The following SAMD12 variants were observed in gnomAD, a reference collection of about 807,000 sequenced individuals.
SAMD12 encodes the protein sterile alpha motif domain containing 12.
Under a neutral mutation model 15.0 loss-of-function variants are expected in SAMD12, and 9 were observed. That is an observed-to-expected ratio of 0.60 (90% confidence interval 0.36 to 1.05). The LOEUF (loss-of-function observed/expected upper bound fraction) is 1.05. SAMD12 is among the 50% of genes least tolerant of loss of function. The pLI is 0.01. For synonymous variants in SAMD12, 86 were observed against 90.1 expected (o/e 0.96, Z 0.25); for missense variants, 230 against 234.2 (o/e 0.98, Z 0.12).
At chr8:118,554,016 T>G (rs1826438634) in intron 2 of SAMD12, among the ~76,000 whole-genome samples, 2 of 152,044 alleles carry the variant, frequency 1.3e-5, no homozygotes, top group African/African-American at 2.4e-5. Flanking sequence ...TGGCAATCAT[T>G]AAAAAGTCAG....
intron 1 of SAMD12, among the ~76,000 whole-genome samples, chr8:118,619,799 A>C (rs961481828): frequency 2.0e-5 from 3 of 152,042 alleles, no homozygotes; most frequent in African/African-American, 7.2e-5. Flanking sequence ...GAGAAGGCAG[A>C]AGAAAAAGGA....
At chr8:118,181,444 C>G in the SAMD12 span, among the ~76,000 whole-genome samples, 1 of 152,196 alleles carries the variant, frequency 6.6e-6, no homozygotes, top group Non-Finnish European at 1.5e-5. Flanking sequence ...TGGGGATCCA[C>G]TTTCCCCACA....
At chr8:118,236,993 G>A (rs183595703) in intron 4 of SAMD12, among the ~76,000 whole-genome samples, 18 of 152,204 alleles carry the variant, frequency 1.2e-4, no homozygotes, top group African/African-American at 4.1e-4. Flanking sequence ...TCTGAACTGT[G>A]TAATAGCAGC....
intron 2 of SAMD12, among the ~76,000 whole-genome samples, chr8:118,534,979 G>C (rs965822267): frequency 6.6e-6 from 1 of 152,192 alleles, no homozygotes; most frequent in African/African-American, 2.4e-5. Context: ...ATCCAGCCTT[G>C]TTCCACTGCT....
intron 2 of SAMD12, among the ~76,000 whole-genome samples, chr8:118,477,374 C>G (rs566068587): frequency 6.6e-6 from 1 of 152,020 alleles, no homozygotes; most frequent in Non-Finnish European, 1.5e-5. Flanking sequence ...CCTCTGCGGC[C>G]GGTTTGATGT....
At position 118,426,236 on chromosome 8, in the gene SAMD12, G is replaced by A. The variant is rs149744808; in HGVS notation, c.322+13596C>T. ...CTAGGCACTGTTCTAAATATTGTCC[G>A]GGTTTTAACTCCTTAATCCTCCCAA... is the stretch of plus-strand genomic sequence containing the variant. On this transcript the variant is annotated intron_variant, in intron 3 of 3. Coordinates refer to ENST00000314727, the MANE Select transcript of SAMD12 (RefSeq NM_207506.3). Among the ~76,000 whole-genome samples the A allele has an allele frequency of 1.5e-3, 233 of 152,192 alleles. 1 individual carries two copies. In the Middle Eastern group the frequency reaches 0.027, roughly 18 times the overall value.
intron 4 of SAMD12, among the ~76,000 whole-genome samples, chr8:118,332,401 C>G (rs767051994): frequency 4.7e-4 from 72 of 152,214 alleles, no homozygotes; most frequent in Non-Finnish European, 7.2e-4. Flanking sequence ...TGACCAGCGT[C>G]GCTGCAGTGG....
At chr8:118,529,791 A>G (rs1044594322) in intron 2 of SAMD12, among the ~76,000 whole-genome samples, 1 of 152,124 alleles carries the variant, frequency 6.6e-6, no homozygotes, top group Non-Finnish European at 1.5e-5. Context: ...CTGTGTGTGT[A>G]CAGGGTCTCA....
At chr8:118,611,510 G>A (rs1828111037) in intron 1 of SAMD12, among the ~76,000 whole-genome samples, 1 of 152,154 alleles carries the variant, frequency 6.6e-6, no homozygotes, top group African/African-American at 2.4e-5. Flanking sequence ...CCATTTATTG[G>A]TTACCAGTTT....
At chr8:118,537,178 T>C (rs886330315) in intron 2 of SAMD12, among the ~76,000 whole-genome samples, 1 of 152,204 alleles carries the variant, frequency 6.6e-6, no homozygotes, top group Non-Finnish European at 1.5e-5. Context: ...ATATTATTTG[T>C]TTCTTTTCTC....
At chr8:118,616,765 T>C (rs754629889) in intron 1 of SAMD12, among the ~76,000 whole-genome samples, 17 of 152,174 alleles carry the variant, frequency 1.1e-4, no homozygotes, top group Non-Finnish European at 2.1e-4. Flanking sequence ...CCGTGGCCTA[T>C]TAGGAACCAC....
chr8:118,358,720 T>C (rs1022921859), intron 4 of SAMD12, among the ~76,000 whole-genome samples: 2 of 152,106 alleles, frequency 1.3e-5, no homozygotes, highest in Admixed American at 6.6e-5. Flanking sequence ...ACAAAATAAA[T>C]GACAGGAAGA....
At chr8:118,547,862 T>C (rs111402607) in intron 2 of SAMD12, among the ~76,000 whole-genome samples, 1 of 152,314 alleles carries the variant, frequency 6.6e-6, no homozygotes, top group African/African-American at 2.4e-5. Flanking sequence ...TTTTCAAATA[T>C]ACAAAATGTT....
intron 4 of SAMD12, among the ~76,000 whole-genome samples, chr8:118,264,604 A>G (rs1813156258): frequency 1.3e-5 from 2 of 152,100 alleles, no homozygotes; most frequent in Admixed American, 6.6e-5. Context: ...AAAACAGAAC[A>G]TGAAGTAAAT....
chr8:118,552,781 C>T (rs1239221050), intron 2 of SAMD12, among the ~76,000 whole-genome samples: 4 of 152,068 alleles, frequency 2.6e-5, no homozygotes, highest in Non-Finnish European at 5.9e-5. Flanking sequence ...TCTAGAAAAC[C>T]CCATTGTCTC....
intron 2 of SAMD12, among the ~76,000 whole-genome samples, chr8:118,573,413 A>T (rs773660361): frequency 6.6e-6 from 1 of 152,142 alleles, no homozygotes; most frequent in Non-Finnish European, 1.5e-5. Context: ...TAAACTACCC[A>T]GTCTTGGGTA....
chr8:118,415,284 C>T (rs1336038506), intron 3 of SAMD12, among the ~76,000 whole-genome samples: 1 of 152,144 alleles, frequency 6.6e-6, no homozygotes, highest in Non-Finnish European at 1.5e-5. Flanking sequence ...TTTTTTGCTT[C>T]CATCCAAGAT....
At chr8:118,265,556 T>C in intron 4 of SAMD12, among the ~76,000 whole-genome samples, 1 of 152,026 alleles carries the variant, frequency 6.6e-6, no homozygotes, top group East Asian at 1.9e-4. Context: ...ATATCAAAGA[T>C]GTAAGATAAA....
At chr8:118,528,970 G>T (rs1825609207) in intron 2 of SAMD12, among the ~76,000 whole-genome samples, 1 of 152,150 alleles carries the variant, frequency 6.6e-6, no homozygotes. Flanking sequence ...AAAGACAAGA[G>T]GAAGAAAAAA....
Sources: gnomAD v4.1 joint callset for allele counts (sites outside exome capture counted in the v4.1 genomes callset) on GRCh38, gnomAD v4.1.1 for gene constraint, MANE v1.5 for transcripts, NCBI Gene and HGNC (gene_info 2026-07-23, HGNC 2026-07-21) for gene names.